Variants in OPLAH observed in about 807,000 individuals in gnomAD.
OPLAH encodes 5-oxoprolinase, ATP-hydrolysing, also known as 5-oxoprolinase.
A neutral mutation model predicts 122.8 loss-of-function variants in OPLAH; 103 were observed. The ratio of observed to expected loss-of-function variants is 0.84; its 90% confidence interval spans 0.71 to 0.99. The LOEUF is 0.99. OPLAH is among the 50% of genes least tolerant of loss of function. OPLAH has a pLI of 0.00. For missense variants in OPLAH, 1,902 were observed against 1,836.5 expected, an observed-to-expected ratio of 1.04 and a Z score of -0.65; for synonymous variants, 875 against 796.0, an observed-to-expected ratio of 1.10 and a Z score of -1.67.
upstream of OPLAH, among the ~76,000 whole-genome samples, chr8:144,060,869 T>A (rs1835651604): frequency 6.6e-6 from 1 of 152,230 alleles, no homozygotes; most frequent in African/African-American, 2.4e-5. Flanking sequence ...CAAGGGCACC[T>A]TGGCTCTGCG....
chr8:144,055,311 T>C lies in OPLAH; in HGVS notation c.2249-122A>G, dbSNP rs1835485729. 9.2e-7 allele frequency: 1 copy of C among 1,085,732 alleles called. No individual in the cohort carries two copies. Among genetic ancestry groups the C allele is most frequent in the African/African-American group, 1.6e-5 (1 of 62,036 alleles). The allele number at this position is 1,085,732 out of a possible 1,614,324, so 67.3% of individuals were successfully genotyped here. A position where few individuals can be genotyped will look rare whatever the true frequency, so the allele number is the denominator to read the frequency against. Reference sequence around the variant, plus strand: ...ACCCAGGAAAAACCCAGCAGCTTTTTCCTGGGGAAGACCAAGTTGACGGTG... The same window carrying C: ...ACCCAGGAAAAACCCAGCAGCTTTTCCCTGGGGAAGACCAAGTTGACGGTG... On this transcript the variant is annotated intron_variant, in intron 16 of 26. Transcript: ENST00000618853. The surrounding 1 kb of genome is among the most constrained non-coding windows in gnomAD (Gnocchi z 6.5).
At chr8:144,063,381 G>C (rs947404644), upstream of OPLAH, among the ~76,000 whole-genome samples, 15 of 152,238 alleles carry the variant, frequency 9.9e-5, no homozygotes, top group African/African-American at 3.1e-4. This position sits in a 1 kb window ranked among gnomAD's most constrained non-coding sequence, Gnocchi z 4.2. Context: ...GGATATGGCT[G>C]TCCCCACCAC....
At position 144,058,266 on chromosome 8, in the gene OPLAH, G is replaced by C; in HGVS notation, c.922C>G (p.Gln308Glu). 1 of 1,610,654 alleles carries C rather than the reference G, an allele frequency of 6.2e-7. No homozygotes were observed. The highest frequency in any genetic ancestry group is 8.5e-7 in the Non-Finnish European group (1 of 1,178,970). ...CCCATGTCAAAGCCGATGACAGGCT[G>C]GCCACCCTCCTGCTGGTAGGTGGTG... Reference protein sequence around the residue: ...SATTYQQEGGQPVIGFDMGGT... With the variant: ...SATTYQQEGGEPVIGFDMGGT... Residue 308 changes from glutamine to glutamate, a missense_variant, in exon 7 of 27, where the codon CAG becomes GAG. Coordinates refer to ENST00000618853, the MANE Select transcript of OPLAH (RefSeq NM_017570.5).
chr8:144,056,111 G>T (rs782607047), intron 15 of OPLAH, 36 bp downstream of exon 15: 1 of 1,582,278 alleles, frequency 6.3e-7, no homozygotes, highest in East Asian at 2.3e-5. Context: ...CAGTGGACCC[G>T]TCCACATCCT....
intron 3 of OPLAH, 101 bp from the exon 4 acceptor site, chr8:144,059,180 C>T: frequency 1.0e-6 from 1 of 986,450 alleles, no homozygotes; most frequent in East Asian, 2.6e-5. Context: ...TCCCAACAGG[C>T]CGGTCGGCAG....
rs781851635 is a variant in OPLAH, at chr8:144,057,679, G to T, written c.1191C>A (p.Val397=). The change falls in exon 10 of 27, where the codon GTC becomes GTA. Residue 397 remains valine (V), a synonymous_variant. Coordinates refer to ENST00000618853, the MANE Select transcript of OPLAH (RefSeq NM_017570.5). ...GPVTVTDANL[V]LGRLLPASFP... is the part of the protein sequence containing the mutation. Reference sequence around the variant, plus strand: ...AGGAGGCAGGCAGCAGGCGACCCAGGACCAGATTAGCATCCGTCACTGTCA... The same window carrying T: ...AGGAGGCAGGCAGCAGGCGACCCAGTACCAGATTAGCATCCGTCACTGTCA... 34 of 1,608,994 alleles carry T rather than the reference G, an allele frequency of 2.1e-5. No individual in the cohort carries two copies. The South Asian group carries it at 3.0e-4, about 14-fold the overall frequency.
chr8:144,061,804 T>C (rs1835668666), upstream of OPLAH, among the ~76,000 whole-genome samples: 1 of 152,072 alleles, frequency 6.6e-6, no homozygotes, highest in Non-Finnish European at 1.5e-5. Flanking sequence ...GTGTGGATCA[T>C]GAGGTCAAGA....
In OPLAH at chr8:144,053,033, T is replaced by C. The variant is rs1281355960; in HGVS notation, c.2968A>G (p.Met990Val). ...AGGCGGATGGGGGAACCGTCGTCCATGTGGTCTTCCGAGGACACCTCCAGG... is the reference window on the plus strand; with the variant it reads ...AGGCGGATGGGGGAACCGTCGTCCACGTGGTCTTCCGAGGACACCTCCAGG... Reference protein sequence around the residue: ...LPLEVSSEDHMDDGSPIRLRV... With the variant: ...LPLEVSSEDHVDDGSPIRLRV... Residue 990 changes from methionine (M) to valine (V), a missense_variant, in exon 21 of 27, where the codon ATG becomes GTG. By Grantham distance (21) the Met-to-Val change is conservative. Around this residue, in one of 3 missense-constraint regions of OPLAH, gnomAD observed 1,726 missense variants for 1,642.1 expected, o/e 1.05. Coordinates refer to ENST00000618853, the MANE Select transcript of OPLAH (RefSeq NM_017570.5). The C allele has an allele frequency of 2.5e-6, 4 of 1,603,668 alleles. No homozygotes were observed. Among genetic ancestry groups the C allele is most frequent in the Middle Eastern group, 1.6e-4 (1 of 6,062 alleles).
chr8:144,052,711 G>A (rs1835414788), intron 22 of OPLAH, 55 bp downstream of exon 22: 1 of 1,545,192 alleles, frequency 6.5e-7, no homozygotes, highest in Non-Finnish European at 8.7e-7. Flanking sequence ...CCCAGGAGGC[G>A]CACTCAGGGT....
intron 23 of OPLAH, 53 bp from the exon 24 acceptor site, chr8:144,052,379 C>A: frequency 6.6e-7 from 1 of 1,512,412 alleles, no homozygotes; most frequent in South Asian, 1.2e-5. Context: ...GTCCCCACCT[C>A]GCCCTCCCGC....
chr8:144,051,576 C>T (rs1835377022), intron 26 of OPLAH, 104 bp from the exon 27 acceptor site: 1 of 1,194,312 alleles, frequency 8.4e-7, no homozygotes, highest in Non-Finnish European at 1.2e-6. Flanking sequence ...ATCACCCGCC[C>T]CCATGGACCA....
intron 19 of OPLAH, 21 bp downstream of exon 19, chr8:144,054,540 C>G: frequency 6.4e-7 from 1 of 1,556,072 alleles, no homozygotes; most frequent in South Asian, 1.2e-5. Flanking sequence ...AGAAGGCCTG[C>G]CCCACCCCAC....
Position 144,059,060 on chromosome 8 carries a change from A to C in OPLAH, c.383T>G (p.Val128Gly). The C allele has an allele frequency of 6.3e-7, 1 of 1,587,142 alleles. No homozygotes were observed. The highest frequency in any genetic ancestry group is 8.6e-7 in the Non-Finnish European group (1 of 1,168,556). Residue 128 changes from valine to glycine, a missense_variant, in exon 4 of 27, where the codon GTG becomes GGG. Around this residue, in one of 3 missense-constraint regions of OPLAH, gnomAD observed 8 missense variants for 23.9 expected, o/e 0.34. Transcript: ENST00000618853. ...CACCTCCAGCACCTCTTCATACAGC[A>C]CCTCAGGCATGGGCACGGCCTGGGG... ...LFDLAVPMPEVLYEEVLEVDE... is the reference protein window; with the variant it reads ...LFDLAVPMPEGLYEEVLEVDE...
chr8:144,052,731 C>T (rs1554757989), intron 22 of OPLAH, 35 bp downstream of exon 22: 1 of 1,556,138 alleles, frequency 6.4e-7, no homozygotes, highest in African/African-American at 1.4e-5. Flanking sequence ...TGACCTCGGG[C>T]TGGGGCCCCC....
chr8:144,062,714 G>T (rs1554761093), upstream of OPLAH, among the ~76,000 whole-genome samples: 2 of 139,430 alleles, frequency 1.4e-5, no homozygotes, highest in Admixed American at 7.2e-5. Flanking sequence ...TGCCCGCCAG[G>T]CCTGTGCTGT....
In OPLAH at chr8:144,053,208, C is replaced by G. The variant is rs782818251; in HGVS notation, c.2871+1G>C. On this transcript the variant is annotated splice_donor_variant, in intron 20 of 26. Coordinates refer to ENST00000618853, the MANE Select transcript of OPLAH (RefSeq NM_017570.5). LOFTEE classifies it high-confidence loss of function. ...GCCCACACTCCTGTGCCCAGGCCCACCTGAATATGGCCCATGTAGGCCTGC... is the reference window on the plus strand; with the variant it reads ...GCCCACACTCCTGTGCCCAGGCCCAGCTGAATATGGCCCATGTAGGCCTGC... The G allele has an allele frequency of 6.2e-7, 1 of 1,612,464 alleles. No homozygotes were observed. Among genetic ancestry groups the G allele is most frequent in the South Asian group, 1.1e-5 (1 of 91,012 alleles).
chr8:144,059,548 C>T, intron 3 of OPLAH, 51 bp downstream of exon 3: 1 of 1,544,592 alleles, frequency 6.5e-7, no homozygotes, highest in South Asian at 1.2e-5. Context: ...TCAAGGCATC[C>T]CTGGGGGGTG....
Position 144,057,600 on chromosome 8 carries a change from G to A in OPLAH, c.1270C>T (p.Arg424Cys), listed in dbSNP as rs371761274. 81 of 1,586,578 alleles carry A rather than the reference G, an allele frequency of 5.1e-5. No homozygotes were observed. Among genetic ancestry groups the A allele is most frequent in the African/African-American group, 2.0e-4 (15 of 74,230 alleles). The stretch of plus-strand genomic sequence containing the variant: ...GTGGCCACAGCCTCCAGGGCTTTGC[G>A]GGAGGCCTCAGGGGAAAGTGGTTGG... ...ENQPLSPEASRKALEAVATEV... is the reference protein window; with the variant it reads ...ENQPLSPEASCKALEAVATEV... The change falls in exon 10 of 27, where the codon CGC becomes TGC. Residue 424 changes from arginine (R) to cysteine (C), a missense_variant. Coordinates refer to ENST00000618853, the MANE Select transcript of OPLAH (RefSeq NM_017570.5).
intron 26 of OPLAH, 120 bp downstream of exon 26, chr8:144,051,609 T>A: frequency 1.7e-6 from 2 of 1,182,394 alleles, no homozygotes; most frequent in Non-Finnish European, 1.2e-6. Context: ...ACGCGCCCCC[T>A]TTCCTTCCGG....
Sources: gnomAD v4.1 joint callset for allele counts (sites outside exome capture counted in the v4.1 genomes callset) on GRCh38, gnomAD v4.1.1 for gene constraint, gnomAD v4.1.1 regional missense constraint, Gnocchi (gnomAD v3.1) non-coding constraint, MANE v1.5 for transcripts, NCBI Gene and HGNC (gene_info 2026-07-23, HGNC 2026-07-21) for gene names.